The following DDX31 variants were observed in gnomAD, a reference collection of about 807,000 sequenced individuals.
DDX31 encodes the protein ATP-dependent DNA helicase DDX31.
DDX31 carries 70 observed loss-of-function variants against 91.3 expected under a neutral mutation model. The ratio of observed to expected loss-of-function variants is 0.77; its 90% CI spans 0.63 to 0.94. The LOEUF (loss-of-function observed/expected upper bound fraction) is 0.94. Among genes scored for constraint, DDX31 ranks in the 40% least tolerant of loss-of-function variants. The probability of loss-of-function intolerance (pLI) is 0.00; values close to 1 mark genes in which losing one functional copy is unlikely to be tolerated. For missense variants in DDX31, 902 were observed against 925.0 expected (o/e 0.98, Z 0.32); for synonymous variants, 362 against 350.6 (o/e 1.03, Z -0.36).
At chr9:132,648,149 T>C (rs758033242) in intron 11 of DDX31, 40 bp downstream of exon 11, 3 of 1,530,334 alleles carry the variant, frequency 2.0e-6, no homozygotes, top group East Asian at 2.2e-5. Flanking sequence ...TTCCTCTTCA[T>C]TAAGAACAAA....
chr9:132,632,237 C>A, intron 14 of DDX31, 146 bp from the exon 15 acceptor site: 10 of 296,838 alleles, frequency 3.4e-5, no homozygotes, highest in East Asian at 1.6e-4. Flanking sequence ...ATGCCCAGTA[C>A]GTGTACACAC....
rs1830388712 is a variant in DDX31, at chr9:132,595,337, A to G, written c.1995-225T>C. Among the ~76,000 whole-genome samples the G allele has an allele frequency of 6.6e-6, 1 of 152,196 alleles. No individual in the cohort carries two copies. The highest frequency in any genetic ancestry group is 1.5e-5 in the Non-Finnish European group (1 of 68,032). The stretch of plus-strand genomic sequence containing the variant: ...AGCGGCAAAATATCATGGCATTTTT[A>G]AAAGTGAGGCTTTGTTCTGTGTTGT... On this transcript the variant is annotated intron_variant, in intron 19 of 19. Coordinates refer to ENST00000372159, the MANE Select transcript of DDX31 (RefSeq NM_022779.9). This position sits in a 1 kb window ranked among gnomAD's most constrained non-coding sequence, Gnocchi z 4.6.
At position 132,597,940 on chromosome 9, in the gene DDX31, C is replaced by A. The variant is rs1589952286; in HGVS notation, c.1995-2828G>T. The stretch of plus-strand genomic sequence containing the variant: ...TCGAAAGCACCTTTTGGAGATGGGT[C>A]CTACGTGCCTTCAGTTATCATCACC... On this transcript the variant is annotated intron_variant, in intron 19 of 19. Coordinates refer to ENST00000372159, the MANE Select transcript of DDX31 (RefSeq NM_022779.9). Among the ~76,000 whole-genome samples, 4 of 152,300 alleles carry A rather than the reference C, an allele frequency of 2.6e-5. No homozygotes were observed. The South Asian group carries it at 8.3e-4, about 32-fold the overall frequency.
At chr9:132,648,960 T>G (rs1364068601) in intron 9 of DDX31, among the ~76,000 whole-genome samples, 1 of 152,192 alleles carries the variant, frequency 6.6e-6, no homozygotes, top group Admixed American at 6.5e-5. Context: ...AGGACACTTT[T>G]TTCTTATGCT....
intron 1 of DDX31, among the ~76,000 whole-genome samples, chr9:132,665,152 C>A (rs1835226828): frequency 6.6e-6 from 1 of 152,212 alleles, no homozygotes; most frequent in Non-Finnish European, 1.5e-5. Flanking sequence ...CTACATAGCA[C>A]TGTATCCCCT....
intron 1 of DDX31, 75 bp downstream of exon 1, chr9:132,669,785 G>T: frequency 2.6e-6 from 4 of 1,519,664 alleles, no homozygotes; most frequent in Non-Finnish European, 3.5e-6. Context: ...CGACTCCAAG[G>T]CACGGCTGCA....
intron 16 of DDX31, among the ~76,000 whole-genome samples, chr9:132,626,502 C>G (rs1363450316): frequency 6.6e-6 from 1 of 152,132 alleles, no homozygotes; most frequent in Non-Finnish European, 1.5e-5. Flanking sequence ...CAAAGAGAGA[C>G]TTGCGTGTCA....
At chr9:132,606,095 G>A (rs1192646475) in intron 19 of DDX31, among the ~76,000 whole-genome samples, 2 of 152,224 alleles carry the variant, frequency 1.3e-5, no homozygotes, top group Non-Finnish European at 2.9e-5. Flanking sequence ...GAGTAGATAA[G>A]CACTGACTCA....
intron 13 of DDX31, among the ~76,000 whole-genome samples, chr9:132,642,436 AAAG>A (rs1389043574): frequency 6.6e-6 from 1 of 152,240 alleles, no homozygotes; most frequent in African/African-American, 2.4e-5. Context: ...CTGAAGGAAT[AAAG>A]AATAACCAAC....
At chr9:132,607,476 T>C (rs1435148896) in intron 19 of DDX31, among the ~76,000 whole-genome samples, 2 of 152,284 alleles carry the variant, frequency 1.3e-5, no homozygotes, top group East Asian at 3.9e-4. Flanking sequence ...GTCCCAGATG[T>C]TTCTAAGCTC....
Position 132,669,915 on chromosome 9 carries a change from G to C in DDX31, c.20C>G (p.Ser7Trp). 2.5e-6 allele frequency: 4 copies of C among 1,596,086 alleles called. No individual in the cohort carries two copies. Among genetic ancestry groups the C allele is most frequent in the Non-Finnish European group, 1.7e-6 (2 of 1,172,314 alleles). Residue 7 changes from serine to tryptophan, a missense_variant, in exon 1 of 20, where the codon TCG (serine) becomes TGG (tryptophan). Transcript: ENST00000372159. The part of the protein sequence containing the change: MAAADG[S>W]LFDNPRTFSR... ...GAACGTCCTGGGGTTGTCGAAGAGC[G>C]AACCGTCGGCGGCTGCCATGGTCTG... is the stretch of plus-strand genomic sequence containing the variant.
intron 14 of DDX31, among the ~76,000 whole-genome samples, chr9:132,632,452 C>G (rs1180472800): frequency 1.3e-5 from 2 of 152,106 alleles, no homozygotes; most frequent in Non-Finnish European, 2.9e-5. Context: ...GGAACTTAAA[C>G]AGTAATTATC....
At position 132,652,512 on chromosome 9, in the gene DDX31, A is replaced by C; in HGVS notation, c.589-20T>G. ...ACTGCGCTGTTGACACACAGAAAAA[A>C]AATGCCATGAGCAGGATAAACAAAG... On this transcript the variant is annotated intron_variant, in intron 6 of 19. Transcript: ENST00000372159. 1 of 1,613,920 alleles carries C rather than the reference A, an allele frequency of 6.2e-7. No individual in the cohort carries two copies.
chr9:132,597,925 C>A (rs1393911578), intron 19 of DDX31, among the ~76,000 whole-genome samples: 2 of 152,202 alleles, frequency 1.3e-5, no homozygotes, highest in Non-Finnish European at 2.9e-5. Context: ...TCGAAAGCAC[C>A]TTTTGGAGAT....
intron 18 of DDX31, among the ~76,000 whole-genome samples, chr9:132,612,519 C>T (rs1002247572): frequency 1.3e-5 from 2 of 152,180 alleles, no homozygotes; most frequent in Non-Finnish European, 2.9e-5. Flanking sequence ...CACACAGCTC[C>T]TAACAATCCC....
chr9:132,642,134 C>T, intron 13 of DDX31, 71 bp from the exon 14 acceptor site: 1 of 1,373,242 alleles, frequency 7.3e-7, no homozygotes, highest in South Asian at 1.2e-5. Context: ...TTACATCTCC[C>T]TAGCTCTCTC....
intron 19 of DDX31, among the ~76,000 whole-genome samples, chr9:132,603,749 C>T (rs1463745500): frequency 1.3e-5 from 2 of 152,150 alleles, no homozygotes; most frequent in Non-Finnish European, 2.9e-5. Flanking sequence ...AGCATCGTCC[C>T]GGGAGAGGCT....
chr9:132,629,602 A>G (rs1439171301), intron 16 of DDX31, among the ~76,000 whole-genome samples: 2 of 151,964 alleles, frequency 1.3e-5, no homozygotes, highest in African/African-American at 2.4e-5. Flanking sequence ...TTTAGGGGAG[A>G]AAAGTGTTGC....
chr9:132,635,390 C>T (rs1440535244), intron 14 of DDX31, among the ~76,000 whole-genome samples: 1 of 147,976 alleles, frequency 6.8e-6, no homozygotes, highest in African/African-American at 2.5e-5. Context: ...CTCTGGGATA[C>T]TTTTGTAAAA....
Sources: gnomAD v4.1 joint callset for allele counts (sites outside exome capture counted in the v4.1 genomes callset) on GRCh38, gnomAD v4.1.1 for gene constraint, Gnocchi (gnomAD v3.1) non-coding constraint, MANE v1.5 for transcripts, NCBI Gene and HGNC (gene_info 2026-07-23, HGNC 2026-07-21) for gene names.